Variants in ROBO2 observed in about 807,000 individuals in gnomAD.
ROBO2 encodes the protein roundabout guidance receptor 2, also known as roundabout homolog 2.
Under a neutral mutation model 160.8 loss-of-function variants are expected in ROBO2, and 53 were observed. That is an observed-to-expected ratio of 0.33 (90% CI 0.26 to 0.41). ROBO2 has a LOEUF of 0.41. ROBO2 is among the 10% of genes least tolerant of loss of function. ROBO2 has a pLI of 1.00. For synonymous variants in ROBO2, 664 were observed against 611.7 expected, an observed-to-expected ratio of 1.09 and a Z score of -1.26; for missense variants, 1,577 against 1,722.4, an observed-to-expected ratio of 0.92 and a Z score of 1.49.
intron 2 of ROBO2, among the ~76,000 whole-genome samples, chr3:77,389,765 A>G (rs1263275201): frequency 6.6e-6 from 1 of 151,440 alleles, no homozygotes; most frequent in African/African-American, 2.4e-5. Flanking sequence ...TTTTTTAAAA[A>G]AAAGAACTAT....
At chr3:76,073,270 T>C (rs13087525) in intron 2 of ROBO2, among the ~76,000 whole-genome samples, 816 of 8,034 alleles carry the variant, frequency 0.1, 6 homozygotes, top group East Asian at 0.28. Flanking sequence ...GAGTATTCTT[T>C]TTTTTTTTTT....
At chr3:77,533,794 A>C (rs551211392) in intron 6 of ROBO2, among the ~76,000 whole-genome samples, 17 of 152,164 alleles carry the variant, frequency 1.1e-4, no homozygotes, top group African/African-American at 4.1e-4. Flanking sequence ...ATCTCAAAAT[A>C]TTTTTTGTAA....
At chr3:76,476,895 T>A (rs1193362751) in intron 2 of ROBO2, among the ~76,000 whole-genome samples, 1 of 152,150 alleles carries the variant, frequency 6.6e-6, no homozygotes, top group Non-Finnish European at 1.5e-5. Context: ...CCAAGTGACA[T>A]CTATCAGAGG....
intron 2 of ROBO2, among the ~76,000 whole-genome samples, chr3:76,397,970 A>G (rs899257225): frequency 1.3e-5 from 2 of 152,162 alleles, no homozygotes; most frequent in African/African-American, 4.8e-5. Flanking sequence ...CCATCCCATT[A>G]CTGGGTATAT....
intron 2 of ROBO2, among the ~76,000 whole-genome samples, chr3:76,858,503 A>G (rs577843198): frequency 6.6e-6 from 1 of 152,260 alleles, no homozygotes; most frequent in African/African-American, 2.4e-5. Flanking sequence ...AGCTCAGGCA[A>G]TCTGCCTGCC....
At chr3:76,130,710 G>A (rs1576983593) in intron 2 of ROBO2, among the ~76,000 whole-genome samples, 1 of 152,162 alleles carries the variant, frequency 6.6e-6, no homozygotes, top group East Asian at 1.9e-4. Flanking sequence ...TCATTCAATA[G>A]GAAGAGAATT....
At chr3:77,070,938 G>A (rs1048595891) in intron 1 of ROBO2, among the ~76,000 whole-genome samples, 1 of 152,114 alleles carries the variant, frequency 6.6e-6, no homozygotes, top group Non-Finnish European at 1.5e-5. Flanking sequence ...AAGACTTGCC[G>A]ATGGATTCGA....
intron 2 of ROBO2, among the ~76,000 whole-genome samples, chr3:76,055,836 G>A (rs890661734): frequency 2.6e-5 from 4 of 152,142 alleles, no homozygotes; most frequent in Middle Eastern, 6.8e-3. Context: ...TCGGCTCACC[G>A]CAACCTCTGC....
At chr3:77,416,512 T>A (rs1406187958) in intron 2 of ROBO2, among the ~76,000 whole-genome samples, 4 of 151,262 alleles carry the variant, frequency 2.6e-5, no homozygotes, top group Admixed American at 2.6e-4. Context: ...GGGTCATGAG[T>A]TTGAGAACAG....
chr3:76,065,993 G>GC (rs1553731764), intron 2 of ROBO2, among the ~76,000 whole-genome samples: 1 of 150,206 alleles, frequency 6.7e-6, no homozygotes, highest in East Asian at 1.9e-4. Flanking sequence ...ATTTAGGATT[G>GC]TTTTCTTTTG....
At chr3:76,280,142 C>A (rs538646077) in intron 2 of ROBO2, among the ~76,000 whole-genome samples, 6 of 152,022 alleles carry the variant, frequency 3.9e-5, no homozygotes, top group African/African-American at 1.4e-4. Context: ...GAAAAGTCGG[C>A]AATTTCTGTT....
chr3:76,080,919 T>G (rs1429532999), intron 2 of ROBO2, among the ~76,000 whole-genome samples: 5 of 152,164 alleles, frequency 3.3e-5, no homozygotes, highest in Admixed American at 3.3e-4. Flanking sequence ...CTTACAATTG[T>G]TTGTCCTATT....
chr3:76,741,021 G>A (rs1025620057), intron 2 of ROBO2, among the ~76,000 whole-genome samples: 1 of 152,052 alleles, frequency 6.6e-6, no homozygotes, highest in Admixed American at 6.6e-5. Flanking sequence ...ACTACAAATA[G>A]TATTTTATAA....
chr3:76,936,215 A>T (rs1361783965), intron 2 of ROBO2, among the ~76,000 whole-genome samples: 1 of 152,206 alleles, frequency 6.6e-6, no homozygotes, highest in Admixed American at 6.5e-5. Flanking sequence ...TTAAAAAAAA[A>T]ATAGATGTAT....
chr3:75,917,415 A>G (rs1946857221), intron 1 of ROBO2, among the ~76,000 whole-genome samples: 1 of 152,082 alleles, frequency 6.6e-6, no homozygotes, highest in African/African-American at 2.4e-5. Flanking sequence ...TATATGACAC[A>G]TTTTCTTCAT....
rs1204513972 is a variant in ROBO2, at chr3:76,141,155, C to CTATA, written c.109+203554_109+203555insATAT. On this transcript the variant is annotated intron_variant, in intron 2 of 26. Coordinates refer to the ROBO2 transcript ENST00000487694. ...TCTCTCTCTCTCTCTCTCTCTCTCT[C>CTATA]TCTCTATATATATATATATATATAT... is the stretch of plus-strand genomic sequence containing the variant. Among the ~76,000 whole-genome samples the CTATA allele has an allele frequency of 2.8e-3, 71 of 25,000 alleles. 1 individual carries two copies. The highest frequency in any genetic ancestry group is 0.01 in the East Asian group (4 of 400). The allele number at this position is 25,000 out of a possible 152,430, so 16.4% of individuals were successfully genotyped here.
At chr3:76,698,213 G>T (rs1331690766) in intron 2 of ROBO2, among the ~76,000 whole-genome samples, 3 of 152,202 alleles carry the variant, frequency 2.0e-5, no homozygotes, top group African/African-American at 7.2e-5. Flanking sequence ...AGTGAGAATG[G>T]AGGCAGGAAA....
At chr3:77,330,048 T>A (rs1287198353) in intron 2 of ROBO2, among the ~76,000 whole-genome samples, 1 of 152,176 alleles carries the variant, frequency 6.6e-6, no homozygotes, top group Non-Finnish European at 1.5e-5. Context: ...TTTTCTTTTT[T>A]AATATAAATT....
At chr3:76,672,957 A>G (rs1350967843) in intron 2 of ROBO2, among the ~76,000 whole-genome samples, 1 of 151,872 alleles carries the variant, frequency 6.6e-6, no homozygotes, top group African/African-American at 2.4e-5. Context: ...AATTTTAACC[A>G]TTATCTTGGA....
Sources: gnomAD v4.1 joint callset for allele counts (sites outside exome capture counted in the v4.1 genomes callset) on GRCh38, gnomAD v4.1.1 for gene constraint, MANE v1.5 for transcripts, NCBI Gene and HGNC (gene_info 2026-07-23, HGNC 2026-07-21) for gene names.